The following ANAPC5 variants were observed in gnomAD, a reference collection of about 807,000 sequenced individuals.
ANAPC5 encodes anaphase-promoting complex subunit 5.
A neutral mutation model predicts 91.3 loss-of-function variants in ANAPC5; 60 were observed. The ratio of observed to expected loss-of-function variants is 0.66; its 90% CI spans 0.53 to 0.81. ANAPC5 has a LOEUF of 0.81. Ranked by LOEUF, ANAPC5 falls within the 40% of genes least tolerant of loss-of-function variation. The pLI is 0.00. For synonymous variants in ANAPC5, 340 were observed against 364.1 expected, an observed-to-expected ratio of 0.93 and a Z score of 0.75; for missense variants, 690 against 931.5, an observed-to-expected ratio of 0.74 and a Z score of 3.37.
chr12:121,334,753 A>G (rs1205492556), intron 7 of ANAPC5: 1 of 152,234 alleles, frequency 6.6e-6, no homozygotes. Context: ...TCTTTCATCC[A>G]GTAAAGGTAC....
In ANAPC5 at chr12:121,352,393, C is replaced by T. The variant is rs1903938830; in HGVS notation, c.-53G>A. 2.1e-6 allele frequency: 3 copies of T among 1,437,074 alleles called. No homozygotes were observed. Among genetic ancestry groups the T allele is most frequent in the African/African-American group, 1.4e-5 (1 of 70,720 alleles). 89.0% of individuals were successfully genotyped at this position (1,437,074 alleles called of 1,614,324 possible). A position where few individuals can be genotyped will look rare whatever the true frequency, so the allele number is the denominator to read the frequency against. On this transcript the variant is annotated 5_prime_UTR_variant, in exon 1 of 17. Coordinates refer to ENST00000261819, the MANE Select transcript of ANAPC5 (RefSeq NM_016237.5). ...GCGGCGCGCTGCCGCCAGTTGTCAC[C>T]ACAAGGCACAACACTACCGGGTCTA... is the stretch of plus-strand genomic sequence containing the variant.
chr12:121,318,826 C>T (rs1902476020), intron 13 of ANAPC5, among the ~76,000 whole-genome samples: 1 of 152,102 alleles, frequency 6.6e-6, no homozygotes, highest in African/African-American at 2.4e-5. Context: ...CGAGACCAGC[C>T]TGGCCAACAT....
intron 8 of ANAPC5, chr12:121,330,927 T>G (rs1593590497): frequency 1.3e-5 from 6 of 460,164 alleles, no homozygotes; most frequent in Admixed American, 3.8e-5. Context: ...AAAAAAAGCA[T>G]GAAGCTCCCA....
At chr12:121,331,322 T>TCC (rs1354940477) in intron 8 of ANAPC5, 25 bp downstream of exon 8, 3 of 1,565,454 alleles carry the variant, frequency 1.9e-6, no homozygotes, top group Non-Finnish European at 2.6e-6. Context: ...TGAACAAAAC[T>TCC]CCCAAGACCA....
chr12:121,334,683 C>G (rs1302694581), intron 7 of ANAPC5: 3 of 152,168 alleles, frequency 2.0e-5, no homozygotes, highest in Admixed American at 1.3e-4. Context: ...CCAGTGTCAC[C>G]TGACTGAGCA....
intron 11 of ANAPC5, among the ~76,000 whole-genome samples, chr12:121,322,856 C>T (rs924275836): frequency 6.6e-6 from 1 of 151,996 alleles, no homozygotes. Context: ...AACCCCATCT[C>T]GACTAAAAGT....
intron 4 of ANAPC5, among the ~76,000 whole-genome samples, chr12:121,345,403 T>C (rs1903624364): frequency 6.6e-6 from 1 of 152,034 alleles, no homozygotes; most frequent in Non-Finnish European, 1.5e-5. Flanking sequence ...TTGACAAAAG[T>C]AGGGGAAAGG....
chr12:121,318,375 T>C lies in ANAPC5; in HGVS notation c.1795A>G (p.Ile599Val), dbSNP rs755023680. 6.2e-7 allele frequency: 1 copy of C among 1,612,258 alleles called. No homozygotes were observed. The highest frequency in any genetic ancestry group is 1.1e-5 in the South Asian group (1 of 90,774). ...GCCTGCAGGAGCATGGGCAGCGCGATGGTAGGGGAGGAAGATCGCCAGTAC... is the reference window on the plus strand; with the variant it reads ...GCCTGCAGGAGCATGGGCAGCGCGACGGTAGGGGAGGAAGATCGCCAGTAC... ...ELYWRSSSPTIALPMLLQALA... is the reference protein window; with the variant it reads ...ELYWRSSSPTVALPMLLQALA... Residue 599 changes from isoleucine to valine, a missense_variant, in exon 15 of 17, where the codon ATC becomes GTC. Transcript: ENST00000261819.
At chr12:121,331,581 C>T (rs938760419) in intron 7 of ANAPC5, 153 bp from the exon 8 acceptor site, 6 of 498,448 alleles carry the variant, frequency 1.2e-5, no homozygotes, top group African/African-American at 1.1e-4. Context: ...GAGGCGTGCC[C>T]CAACCCTAGC....
At chr12:121,331,615 A>G in intron 7 of ANAPC5, 187 bp from the exon 8 acceptor site, 1 of 442,086 alleles carries the variant, frequency 2.3e-6, no homozygotes, top group Non-Finnish European at 4.3e-6. Flanking sequence ...GACAGTGGAA[A>G]TATAGGACAT....
Position 121,331,544 on chromosome 12 carries a change from G to A in ANAPC5, c.951-116C>T, listed in dbSNP as rs1245401326. On this transcript the variant is annotated intron_variant, in intron 7 of 16. Transcript: ENST00000261819. ...AATGCAGGTCTCTGGGTTGGAAGCT[G>A]TAACTATTTCTGGGCTTATTCTCTC... is the stretch of plus-strand genomic sequence containing the variant. 6.4e-6 allele frequency: 5 copies of A among 783,258 alleles called. No individual in the cohort carries two copies. In the Admixed American group the frequency reaches 8.9e-5, roughly 14 times the overall value. The allele number at this position is 783,258 out of a possible 1,614,324, so 48.5% of individuals were successfully genotyped here.
chr12:121,319,650 T>C, intron 13 of ANAPC5, 47 bp downstream of exon 13: 1 of 1,560,556 alleles, frequency 6.4e-7, no homozygotes, highest in Non-Finnish European at 8.6e-7. Flanking sequence ...AACAAAACCA[T>C]TTAACAATTA....
At position 121,320,391 on chromosome 12, in the gene ANAPC5, G is replaced by A. The variant is rs191042943; in HGVS notation, c.1509C>T (p.His503=). 2.5e-5 allele frequency: 40 copies of A among 1,613,364 alleles called. 1 individual carries two copies. Among genetic ancestry groups the A allele is most frequent in the East Asian group, 2.2e-4 (10 of 44,874 alleles). ...LKERFPPNSQ[H]AQLWMLCDQK... ...CATGCAAAAGGCAGATTACCTGGGC[G>A]TGCTGACTATTAGGCGGAAATCGTT... The change falls in exon 12 of 17, where the codon CAC becomes CAT. Residue 503 remains histidine (H), a synonymous_variant. Transcript: ENST00000261819.
intron 9 of ANAPC5, chr12:121,328,728 T>G: frequency 2.3e-6 from 1 of 431,214 alleles, no homozygotes; most frequent in Non-Finnish European, 4.2e-6. Context: ...AGCAGGGCTT[T>G]AGCATTAGAT....
chr12:121,353,897 G>A (rs1429139786), upstream of ANAPC5, among the ~76,000 whole-genome samples: 3 of 151,710 alleles, frequency 2.0e-5, no homozygotes, highest in Admixed American at 6.6e-5. Context: ...AGACCCCCTC[G>A]CCCTCAGGAA....
chr12:121,312,234 A>C (rs1481870400), intron 15 of ANAPC5, among the ~76,000 whole-genome samples: 1 of 152,182 alleles, frequency 6.6e-6, no homozygotes, highest in Non-Finnish European at 1.5e-5. Flanking sequence ...ATAAATCACA[A>C]GGGAAATTAG....
intron 1 of ANAPC5, among the ~76,000 whole-genome samples, chr12:121,349,592 T>C (rs1903806506): frequency 6.6e-6 from 1 of 151,076 alleles, no homozygotes; most frequent in Non-Finnish European, 1.5e-5. Flanking sequence ...AAAATAAATT[T>C]AAAAATAAAA....
intron 8 of ANAPC5, 104 bp from the exon 9 acceptor site, chr12:121,330,776 A>T: frequency 1.2e-6 from 1 of 824,536 alleles, no homozygotes; most frequent in Non-Finnish European, 2.0e-6. Flanking sequence ...GGACAAAATG[A>T]ATCCTCTCAA....
chr12:121,312,299 C>G (rs1902192659), intron 15 of ANAPC5, among the ~76,000 whole-genome samples: 1 of 152,304 alleles, frequency 6.6e-6, no homozygotes, highest in African/African-American at 2.4e-5. Flanking sequence ...CGCAGTGGCT[C>G]ATGCCTGTAA....
Sources: allele counts gnomAD v4.1 joint callset (sites outside exome capture counted in the v4.1 genomes callset), GRCh38; gene constraint gnomAD v4.1.1; transcripts MANE v1.5; gene names NCBI Gene and HGNC (gene_info 2026-07-23, HGNC 2026-07-21).